Variants in CCDC171 observed in about 807,000 individuals in gnomAD.
CCDC171 encodes coiled-coil domain containing 171.
A neutral mutation model predicts 168.2 loss-of-function variants in CCDC171; 177 were observed. The ratio of observed to expected loss-of-function variants is 1.05; its 90% confidence interval spans 0.93 to 1.19. CCDC171 has a LOEUF of 1.19. Ranked by LOEUF, CCDC171 falls within the 50% of genes most tolerant of loss-of-function variation. The pLI is 0.00. For missense variants in CCDC171, 1,991 were observed against 1,539.0 expected, an observed-to-expected ratio of 1.29 and a Z score of -4.91; for synonymous variants, 687 against 540.8, an observed-to-expected ratio of 1.27 and a Z score of -3.75.
At chr9:16,097,240 ATG>A in the CCDC171 span, among the ~76,000 whole-genome samples, 10,120 of 152,258 alleles carry the variant, frequency 0.066, 1,034 homozygotes, top group African/African-American at 0.22. Flanking sequence ...TGCTTATGGC[ATG>A]TGGGGAAATT....
At chr9:16,095,899 T>TATATATATATATATATATAC in the CCDC171 span, among the ~76,000 whole-genome samples, 1 of 140,202 alleles carries the variant, frequency 7.1e-6, no homozygotes, top group African/African-American at 2.7e-5. Flanking sequence ...TATATATATA[T>TATATATATATATATATATAC]ACTGCCTCCA....
At chr9:16,002,525 AAG>A (rs1832582710) in intron 3 of CCDC171, among the ~76,000 whole-genome samples, 1 of 152,220 alleles carries the variant, frequency 6.6e-6, no homozygotes, top group Non-Finnish European at 1.5e-5. Context: ...GTTATTATGA[AAG>A]AGTCAAAATG....
intron 7 of CCDC171, among the ~76,000 whole-genome samples, chr9:15,632,522 G>C (rs945973702): frequency 1.3e-5 from 2 of 152,012 alleles, no homozygotes; most frequent in African/African-American, 4.8e-5. Context: ...AAATAAAAGA[G>C]GATACAAACA....
At chr9:15,627,387 G>A (rs7389023) in intron 7 of CCDC171, among the ~76,000 whole-genome samples, 1 of 151,712 alleles carries the variant, frequency 6.6e-6, no homozygotes, top group African/African-American at 2.4e-5. Flanking sequence ...TCTTGCTTCT[G>A]TAGTTCTTTT....
At chr9:15,717,606 G>T (rs1283701236) in intron 11 of CCDC171, among the ~76,000 whole-genome samples, 2 of 152,196 alleles carry the variant, frequency 1.3e-5, no homozygotes, top group African/African-American at 4.8e-5. Context: ...TGAGGGAAGA[G>T]TAAAGAGAAC....
intron 3 of CCDC171, among the ~76,000 whole-genome samples, chr9:15,983,812 AAG>A (rs768227891): frequency 0.016 from 687 of 43,348 alleles, 12 homozygotes; most frequent in African/African-American, 0.074. Flanking sequence ...GAGCTAAATA[AAG>A]AGAGTGTGTG....
intron 7 of CCDC171, among the ~76,000 whole-genome samples, chr9:15,627,194 G>C (rs1429879102): frequency 6.6e-6 from 1 of 151,954 alleles, no homozygotes; most frequent in Non-Finnish European, 1.5e-5. Flanking sequence ...GCGCCTATTT[G>C]ATTCTTCTCT....
Position 15,705,091 on chromosome 9 carries a change from G to GACACACACACACACACACACACAC in CCDC171, c.1318+9761_1318+9784dup, listed in dbSNP as rs3082789. On this transcript the variant is annotated intron_variant, in intron 11 of 25. Transcript: ENST00000380701. ...GCTAATAGATCTTAAGTATCCTTAC[G>GACACACACACACACACACACACAC]ACACACACACACACACACACACACA... 2.0e-5 allele frequency among the ~76,000 whole-genome samples: 3 copies of GACACACACACACACACACACACAC among 147,758 alleles called. No individual in the cohort carries two copies. The East Asian group carries it at 6.0e-4, about 30-fold the overall frequency.
intron 6 of CCDC171, among the ~76,000 whole-genome samples, chr9:15,604,042 A>T (rs1001387073): frequency 6.8e-6 from 1 of 147,692 alleles, no homozygotes; most frequent in South Asian, 2.1e-4. Flanking sequence ...GGCTGCATGT[A>T]TGTCTTTTTT....
At chr9:15,815,348 G>C (rs1298970100) in intron 21 of CCDC171, among the ~76,000 whole-genome samples, 2 of 48,704 alleles carry the variant, frequency 4.1e-5, no homozygotes, top group Admixed American at 3.2e-4. Flanking sequence ...ATTACATTTA[G>C]ACCATGCATG....
intron 11 of CCDC171, among the ~76,000 whole-genome samples, chr9:15,698,940 GAC>G (rs1268985418): frequency 6.6e-6 from 1 of 152,176 alleles, no homozygotes; most frequent in Non-Finnish European, 1.5e-5. Flanking sequence ...TAGTTTATAT[GAC>G]AGTGCAGGTA....
At chr9:15,898,502 CT>C (rs1326046005) in intron 24 of CCDC171, among the ~76,000 whole-genome samples, 1 of 152,146 alleles carries the variant, frequency 6.6e-6, no homozygotes, top group Non-Finnish European at 1.5e-5. Flanking sequence ...ATTCAAGTAT[CT>C]GCATAAGAAG....
intron 1 of CCDC171, among the ~76,000 whole-genome samples, chr9:16,048,380 G>A (rs912771052): frequency 6.6e-6 from 1 of 152,210 alleles, no homozygotes. Context: ...GAGGATGGCA[G>A]GTTGCCTTGG....
At chr9:15,670,718 A>T (rs1274369505) in intron 9 of CCDC171, among the ~76,000 whole-genome samples, 2 of 152,108 alleles carry the variant, frequency 1.3e-5, no homozygotes, top group African/African-American at 4.8e-5. Context: ...TTGTTAACCC[A>T]TCTTTTTTTA....
At chr9:15,778,947 A>G (rs751808032) in intron 19 of CCDC171, 21 bp from the exon 20 acceptor site, 20 of 1,442,862 alleles carry the variant, frequency 1.4e-5, no homozygotes, top group Middle Eastern at 1.8e-4. Context: ...TGTTTATAAA[A>G]TTGCTCTTGT....
At chr9:15,800,034 G>A (rs1400788368) in intron 21 of CCDC171, among the ~76,000 whole-genome samples, 1 of 152,122 alleles carries the variant, frequency 6.6e-6, no homozygotes. Context: ...CACTTAGGTT[G>A]CTTCCAAATC....
chr9:15,954,376 T>C lies in CCDC171; in HGVS notation c.3754-17233T>C, dbSNP rs543689236. On this transcript the variant is annotated intron_variant, in intron 25 of 25. Transcript: ENST00000380701. ...CTCATAAGTTTTGATATGTTGTGTT[T>C]TCATTTTCATTCATTTCTAAGTATT... Among the ~76,000 whole-genome samples, 83 of 152,124 alleles carry C rather than the reference T, an allele frequency of 5.5e-4. 1 individual carries two copies. Among genetic ancestry groups the C allele is most frequent in the Non-Finnish European group, 1.1e-3 (73 of 68,010 alleles).
intron 21 of CCDC171, among the ~76,000 whole-genome samples, chr9:15,843,938 A>G (rs1167571468): frequency 6.6e-6 from 1 of 152,148 alleles, no homozygotes; most frequent in Non-Finnish European, 1.5e-5. Flanking sequence ...TTCCAGGCTC[A>G]GCCTCCAACA....
At chr9:15,663,035 T>G (rs1340634949) in intron 8 of CCDC171, among the ~76,000 whole-genome samples, 1 of 152,084 alleles carries the variant, frequency 6.6e-6, no homozygotes, top group Non-Finnish European at 1.5e-5. Flanking sequence ...ATTGCCTGAT[T>G]AGATCCTTGT....
Sources: allele counts gnomAD v4.1 joint callset (sites outside exome capture counted in the v4.1 genomes callset), GRCh38; gene constraint gnomAD v4.1.1; transcripts MANE v1.5; gene names NCBI Gene and HGNC (gene_info 2026-07-23, HGNC 2026-07-21).